Variants in TRIM37 observed in about 807,000 individuals in gnomAD.
The protein encoded by TRIM37 is tripartite motif containing 37.
Under a neutral mutation model 129.8 loss-of-function variants are expected in TRIM37, and 80 were observed. The ratio of observed to expected loss-of-function variants is 0.62; its 90% CI spans 0.51 to 0.74. TRIM37 has a LOEUF of 0.74. TRIM37 is among the 30% of genes least tolerant of loss of function. The probability of loss-of-function intolerance (pLI) is 0.00; values close to 1 mark genes in which losing one functional copy is unlikely to be tolerated. For synonymous variants in TRIM37, 389 were observed against 387.1 expected, an observed-to-expected ratio of 1.00 and a Z score of -0.06; for missense variants, 1,054 against 1,176.5, an observed-to-expected ratio of 0.90 and a Z score of 1.52.
intron 2 of TRIM37, among the ~76,000 whole-genome samples, chr17:59,096,834 G>A (rs1374542225): frequency 3.3e-5 from 5 of 152,042 alleles, no homozygotes; most frequent in African/African-American, 4.8e-5. Context: ...TGTGGTCTGG[G>A]AGTTTAAGAT....
At chr17:59,081,066 C>A (rs1286572921) in intron 6 of TRIM37, 31 bp downstream of exon 6, 3 of 1,453,316 alleles carry the variant, frequency 2.1e-6, no homozygotes, top group Non-Finnish European at 2.8e-6. Context: ...AGATTAAAAA[C>A]AAAATAATTA....
At chr17:58,986,504 CTTTTTTTT>C (rs530928011) in intron 24 of TRIM37, among the ~76,000 whole-genome samples, 1 of 124,982 alleles carries the variant, frequency 8.0e-6, no homozygotes, top group Admixed American at 8.5e-5. Flanking sequence ...TTCCATCTGT[CTTTTTTTT>C]TTTTTTTTTT....
Position 59,049,243 on chromosome 17 carries a change from C to T in TRIM37, c.1465G>A (p.Ala489Thr). Residue 489 changes from alanine (A) to threonine (T), a missense_variant, in exon 15 of 24, where the codon GCT becomes ACT. Physicochemically the swap from Ala to Thr is moderately conservative, Grantham distance 58 (BLOSUM62 0). Transcript: ENST00000262294. ...DMLLEGGPTT[A>T]SVREAKEDEE... ...TCCTCTTTGGCCTCTCTTACAGAAG[C>T]TGTAGTAGGACCACCTTCGAGAAGC... 6.2e-7 allele frequency: 1 copy of T among 1,614,052 alleles called. No homozygotes were observed. Among genetic ancestry groups the T allele is most frequent in the Non-Finnish European group, 8.5e-7 (1 of 1,180,028 alleles).
At chr17:59,004,106 G>C (rs951804959) in intron 22 of TRIM37, among the ~76,000 whole-genome samples, 5 of 151,860 alleles carry the variant, frequency 3.3e-5, no homozygotes, top group Non-Finnish European at 5.9e-5. Flanking sequence ...ACAAGACCCT[G>C]AGGGACAGAG....
intron 17 of TRIM37, among the ~76,000 whole-genome samples, chr17:59,038,325 C>T (rs1476028912): frequency 5.3e-5 from 8 of 152,072 alleles, no homozygotes; most frequent in Non-Finnish European, 1.2e-4. Context: ...TATACTCACC[C>T]TTAGGTTATA....
At chr17:59,068,015 A>G (rs778575837) in intron 9 of TRIM37, among the ~76,000 whole-genome samples, 4 of 152,224 alleles carry the variant, frequency 2.6e-5, no homozygotes, top group Admixed American at 6.5e-5. Context: ...TTGCATATCT[A>G]AAGTTTCATG....
At chr17:59,068,669 G>C (rs1290676680) in intron 9 of TRIM37, among the ~76,000 whole-genome samples, 2 of 152,132 alleles carry the variant, frequency 1.3e-5, no homozygotes, top group African/African-American at 4.8e-5. Flanking sequence ...AAAAAAGTCA[G>C]TGCTTTAAAA....
At chr17:59,090,593 T>G (rs906278797) in intron 3 of TRIM37, among the ~76,000 whole-genome samples, 1 of 152,050 alleles carries the variant, frequency 6.6e-6, no homozygotes, top group African/African-American at 2.4e-5. Flanking sequence ...TGGATTTTTT[T>G]GTTTGTTTTT....
downstream of TRIM37, among the ~76,000 whole-genome samples, chr17:58,978,300 T>C (rs1352508648): frequency 6.6e-6 from 1 of 152,300 alleles, no homozygotes; most frequent in East Asian, 1.9e-4. Flanking sequence ...CCTTTGTAAA[T>C]ATCTGGAGTT....
rs1962363704 is a variant in TRIM37 at position 59,032,036 on chromosome 17, A to T, written c.1808T>A (p.Leu603Ter). The change falls in exon 18 of 24, where the codon TTA (leucine) becomes TAA (stop). Residue 603 changes from leucine to a stop codon, truncating the protein, a stop_gained. Coordinates refer to ENST00000262294, the MANE Select transcript of TRIM37 (RefSeq NM_015294.6). LOFTEE classifies it high-confidence loss of function. ...SSSRISRRTH[L>*]CSAATSSLLD... is the part of the protein sequence containing the mutation. ...TAAACTACTGGTAGCAGCGGAGCAT[A>T]AATGTGTTCTTCTTGATATTCTACT... The T allele has an allele frequency of 6.2e-7, 1 of 1,614,196 alleles. No homozygotes were observed.
intron 4 of TRIM37, among the ~76,000 whole-genome samples, chr17:59,086,862 T>C (rs2043797463): frequency 6.6e-6 from 1 of 152,190 alleles, no homozygotes; most frequent in Admixed American, 6.5e-5. Flanking sequence ...TAGCAAATTG[T>C]AGCAGTCTAT....
In TRIM37 at chr17:59,051,299, TGAAA is replaced by T. The variant is rs761979292; in HGVS notation, c.1225_1228del (p.Phe409LysfsTer24). On this transcript the variant is annotated frameshift_variant, in exon 14 of 24. Coordinates refer to ENST00000262294, the MANE Select transcript of TRIM37 (RefSeq NM_015294.6). LOFTEE classifies it high-confidence loss of function. Reference sequence around the variant, plus strand: ...GTACCAATGCTGGTCCCGGGATTTTTGAAAGAAAGTTGGTGAACGTACCTGAAAC... The same window carrying T: ...GTACCAATGCTGGTCCCGGGATTTTTGAAAGTTGGTGAACGTACCTGAAAC... The T allele has an allele frequency of 6.2e-7, 1 of 1,613,878 alleles. No homozygotes were observed. The highest frequency in any genetic ancestry group is 1.7e-5 in the Admixed American group (1 of 60,012).
the TRIM37 span, among the ~76,000 whole-genome samples, chr17:58,970,695 T>C: frequency 1.3e-5 from 2 of 152,150 alleles, no homozygotes; most frequent in African/African-American, 4.8e-5. Context: ...TGGATTAATA[T>C]GCAAATCCAA....
At chr17:59,021,395 A>G (rs2145278793) in intron 19 of TRIM37, among the ~76,000 whole-genome samples, 1 of 152,216 alleles carries the variant, frequency 6.6e-6, no homozygotes, top group South Asian at 2.1e-4. Flanking sequence ...ACTCTATCTC[A>G]AAAAACAAAA....
rs1311855255 is a variant in TRIM37, at chr17:59,106,494, C to T, written c.-33G>A. ...GGCTCTCGGCGGGGCCGCTGGCGACCCGCAGGCTCCGCAGTCTGACCTCTT... is the reference window on the plus strand; with the variant it reads ...GGCTCTCGGCGGGGCCGCTGGCGACTCGCAGGCTCCGCAGTCTGACCTCTT... On this transcript the variant is annotated 5_prime_UTR_variant, in exon 1 of 24. Transcript: ENST00000262294. 11 of 1,612,678 alleles carry T rather than the reference C, an allele frequency of 6.8e-6. No individual in the cohort carries two copies. Among genetic ancestry groups the T allele is most frequent in the Non-Finnish European group, 8.5e-6 (10 of 1,179,512 alleles).
At chr17:59,005,886 A>G (rs1296408151) in intron 22 of TRIM37, among the ~76,000 whole-genome samples, 3 of 152,204 alleles carry the variant, frequency 2.0e-5, no homozygotes, top group African/African-American at 7.2e-5. Context: ...TAAAACGGCG[A>G]TATTTATAAT....
chr17:59,048,826 A>G (rs2146117226), intron 15 of TRIM37, among the ~76,000 whole-genome samples: 1 of 152,290 alleles, frequency 6.6e-6, no homozygotes, highest in Admixed American at 6.5e-5. Flanking sequence ...CGAACTCCTG[A>G]CCTCATGTGA....
At chr17:59,039,507 T>G (rs2145838939) in intron 17 of TRIM37, among the ~76,000 whole-genome samples, 1 of 152,100 alleles carries the variant, frequency 6.6e-6, no homozygotes, top group South Asian at 2.1e-4. Flanking sequence ...CCATCACACC[T>G]GGCTAATTTT....
At chr17:59,059,850 T>C (rs1332435413) in intron 12 of TRIM37, among the ~76,000 whole-genome samples, 1 of 152,196 alleles carries the variant, frequency 6.6e-6, no homozygotes, top group East Asian at 1.9e-4. Flanking sequence ...TCCTTAGTGT[T>C]ATACCCAATC....
Sources: gnomAD v4.1 joint callset for allele counts (sites outside exome capture counted in the v4.1 genomes callset) on GRCh38, gnomAD v4.1.1 for gene constraint, MANE v1.5 for transcripts, NCBI Gene and HGNC (gene_info 2026-07-23, HGNC 2026-07-21) for gene names.